Variants in ZNF550 observed in about 807,000 individuals in gnomAD.
ZNF550 encodes zinc finger protein 550.
In ZNF550, 42 loss-of-function variants were observed where a neutral mutation model predicts 40.2. The ratio of observed to expected loss-of-function variants is 1.05; its 90% CI spans 0.82 to 1.35. The LOEUF is 1.35. ZNF550 is among the 40% of genes most tolerant of loss of function. The pLI is 0.00. For missense variants in ZNF550, 549 were observed against 525.2 expected (o/e 1.05, Z -0.44); for synonymous variants, 223 against 198.6 (o/e 1.12, Z -1.03).
chr19:57,546,441 T>G, intron 4 of ZNF550: 1 of 978,922 alleles, frequency 1.0e-6, no homozygotes, highest in African/African-American at 1.7e-5. Context: ...TGTAAGGACA[T>G]AAAGCAAGAA....
At chr19:57,544,402 C>G (rs2089989651) in intron 4 of ZNF550, 1 of 985,264 alleles carries the variant, frequency 1.0e-6, no homozygotes, top group Admixed American at 6.1e-5. Context: ...TGGAAAGAAC[C>G]CTTTGATGAC....
chr19:57,552,585 A>G, intron 3 of ZNF550, 42 bp downstream of exon 3: 1 of 1,472,898 alleles, frequency 6.8e-7, no homozygotes, highest in African/African-American at 1.4e-5. Flanking sequence ...ACATTATCTG[A>G]AGACTGCCAT....
At chr19:57,556,304 T>C (rs374192041) in exon 2 of ZNF550, 5 of 1,613,828 alleles carry the variant, frequency 3.1e-6, no homozygotes, top group Non-Finnish European at 4.2e-6. Flanking sequence ...GGTCCAGCTG[T>C]CTCCACTCCT....
chr19:57,552,375 C>CT, intron 3 of ZNF550: 1 of 478,432 alleles, frequency 2.1e-6, no homozygotes, highest in Non-Finnish European at 3.7e-6. Context: ...TCTTGTTCCC[C>CT]TTCTACCAGC....
exon 5 of ZNF550, chr19:57,541,913 C>T (rs1249345007): frequency 1.3e-5 from 2 of 152,062 alleles, no homozygotes; most frequent in Non-Finnish European, 2.9e-5. Flanking sequence ...AAGTTAGATA[C>T]CAACAAGAGA....
At chr19:57,556,019 A>G in intron 2 of ZNF550, 2 of 541,514 alleles carry the variant, frequency 3.7e-6, no homozygotes, top group South Asian at 4.0e-5. Context: ...TTGATTAAGG[A>G]CCTCAGAATG....
intron 3 of ZNF550, among the ~76,000 whole-genome samples, chr19:57,549,993 T>G (rs927991451): frequency 3.3e-5 from 5 of 152,156 alleles, no homozygotes; most frequent in African/African-American, 1.2e-4. Context: ...TGAGGTTAAA[T>G]GAGAAAATGC....
chr19:57,561,006 G>A (rs1392717167), upstream of ZNF550, among the ~76,000 whole-genome samples: 1 of 152,190 alleles, frequency 6.6e-6, no homozygotes, highest in Non-Finnish European at 1.5e-5. The surrounding 1 kb of genome is among the most constrained non-coding windows in gnomAD (Gnocchi z 4.9). Flanking sequence ...GGGAAATTCA[G>A]GGACCCACCT....
intron 3 of ZNF550, among the ~76,000 whole-genome samples, chr19:57,548,710 G>C (rs1437411880): frequency 6.6e-6 from 1 of 152,128 alleles, no homozygotes; most frequent in Non-Finnish European, 1.5e-5. Flanking sequence ...ATATGATCCA[G>C]CAATCCCAGT....
intron 1 of ZNF550, chr19:57,557,279 A>AGCC (rs2090130930): frequency 1.3e-5 from 2 of 152,086 alleles, no homozygotes; most frequent in Admixed American, 6.5e-5. Flanking sequence ...GATAGGAGAA[A>AGCC]GCCGCCTTAT....
At chr19:57,545,965 A>G (rs1162165168) in intron 4 of ZNF550, among the ~76,000 whole-genome samples, 1 of 152,170 alleles carries the variant, frequency 6.6e-6, no homozygotes, top group Non-Finnish European at 1.5e-5. Flanking sequence ...GGGAACTATG[A>G]TCATGCCACT....
At chr19:57,547,416 C>T (rs751484378) in exon 4 of ZNF550, 6 of 1,613,850 alleles carry the variant, frequency 3.7e-6, no homozygotes, top group Admixed American at 1.7e-5. Flanking sequence ...TTGGATGGTG[C>T]TGCATGAGGT....
chr19:57,552,004 T>C (rs1285379189), intron 3 of ZNF550, among the ~76,000 whole-genome samples: 1 of 152,240 alleles, frequency 6.6e-6, no homozygotes, highest in African/African-American at 2.4e-5. Context: ...GAAAGTCCCC[T>C]TTCTCTTGAG....
chr19:57,561,245 G>T (rs929923224), upstream of ZNF550, among the ~76,000 whole-genome samples: 2 of 152,088 alleles, frequency 1.3e-5, no homozygotes, highest in African/African-American at 4.8e-5. This position sits in a 1 kb window ranked among gnomAD's most constrained non-coding sequence, Gnocchi z 4.9. Context: ...AACCTTATAG[G>T]CTTCTTGAAG....
At chr19:57,546,911 T>C in exon 4 of ZNF550, 1 of 1,533,606 alleles carries the variant, frequency 6.5e-7, no homozygotes, top group Non-Finnish European at 8.8e-7. Flanking sequence ...GTGGGTCCCA[T>C]TATGAATGAT....
chr19:57,558,752 T>A (rs1483535609), intron 1 of ZNF550, among the ~76,000 whole-genome samples: 1 of 151,926 alleles, frequency 6.6e-6, no homozygotes, highest in Non-Finnish European at 1.5e-5. Context: ...GGATGAGAAA[T>A]TAACAACTAC....
Position 57,558,174 on chromosome 19 carries a change from C to A in ZNF550, c.27+1482G>T, listed in dbSNP as rs193235044. Among the ~76,000 whole-genome samples the A allele has an allele frequency of 1.3e-3, 195 of 152,280 alleles. 2 individuals are homozygous for A. Among genetic ancestry groups the A allele is most frequent in the African/African-American group, 4.5e-3 (189 of 41,554 alleles). ...TGGGAGTGAGGGGTGCTTTTAGCTACAGCCAGCACTGCCAGGATGGGTGTG... is the reference window on the plus strand; with the variant it reads ...TGGGAGTGAGGGGTGCTTTTAGCTAAAGCCAGCACTGCCAGGATGGGTGTG... On this transcript the variant is annotated intron_variant, in intron 1 of 4. Transcript: ENST00000457177.
intron 1 of ZNF550, among the ~76,000 whole-genome samples, chr19:57,558,759 C>T (rs2090144252): frequency 1.3e-5 from 2 of 152,272 alleles, no homozygotes; most frequent in South Asian, 2.1e-4. Context: ...AAATTAACAA[C>T]TACGACAGGA....
At chr19:57,555,864 G>A (rs2090115916) in intron 2 of ZNF550, 4 of 284,960 alleles carry the variant, frequency 1.4e-5, no homozygotes, top group Non-Finnish European at 6.8e-6. Context: ...TATCCGAGGG[G>A]CACTGAGGAC....
Sources: allele counts gnomAD v4.1 joint callset (sites outside exome capture counted in the v4.1 genomes callset), GRCh38; gene constraint gnomAD v4.1.1; non-coding constraint Gnocchi (gnomAD v3.1); transcripts MANE v1.5; gene names NCBI Gene and HGNC (gene_info 2026-07-23, HGNC 2026-07-21).